Variants in SYNRG observed in about 807,000 individuals in gnomAD.
The protein encoded by SYNRG is AP1 gamma subunit binding protein 1.
SYNRG carries 37 observed loss-of-function variants against 130.9 expected under a neutral mutation model. That is an observed-to-expected ratio of 0.28 (90% CI 0.22 to 0.37). SYNRG has a LOEUF of 0.37. SYNRG is among the 10% of genes least tolerant of loss of function. The pLI, the probability that SYNRG is intolerant of heterozygous loss-of-function variation, is 1.00. For missense variants in SYNRG, 1,338 were observed against 1,588.9 expected, an observed-to-expected ratio of 0.84 and a Z score of 2.68; for synonymous variants, 539 against 568.1, an observed-to-expected ratio of 0.95 and a Z score of 0.73.
chr17:37,568,916 C>T lies in SYNRG; in HGVS notation c.1356G>A (p.Lys452=). The T allele has an allele frequency of 6.2e-7, 1 of 1,613,434 alleles. No individual in the cohort carries two copies. Among genetic ancestry groups the T allele is most frequent in the Non-Finnish European group, 8.5e-7 (1 of 1,179,694 alleles). The change falls in exon 11 of 22, where the codon AAG becomes AAA. Residue 452 remains lysine, a synonymous_variant. Coordinates refer to ENST00000612223, the MANE Select transcript of SYNRG (RefSeq NM_007247.6). ...AATCCTGGAAGTCATCTTCTTCTGGCTTTACTACCTAGGTTTATAAAGGTC... is the reference window on the plus strand; with the variant it reads ...AATCCTGGAAGTCATCTTCTTCTGGTTTTACTACCTAGGTTTATAAAGGTC... ...IPTYPANQVV[K]PEEDDFQDFQ... is the part of the protein sequence containing the mutation.
chr17:37,552,291 C>A (rs2058766950), intron 14 of SYNRG, among the ~76,000 whole-genome samples: 1 of 151,902 alleles, frequency 6.6e-6, no homozygotes, highest in African/African-American at 2.4e-5. Flanking sequence ...TATCAAAAAA[C>A]AAAACAAAAG....
rs2054622106 is a variant in SYNRG at position 37,518,805 on chromosome 17, G to A, written c.*135C>T. ...CAGACTGGCCGTGGGGATGACGGGG[G>A]CCCCGTCCCTTGCGGTGTTCTTCAT... On this transcript the variant is annotated 3_prime_UTR_variant, in exon 22 of 22. Transcript: ENST00000612223. 3.8e-6 allele frequency: 5 copies of A among 1,329,688 alleles called. No individual in the cohort carries two copies. The highest frequency in any genetic ancestry group is 5.1e-6 in the Non-Finnish European group (5 of 983,584). The allele number at this position is 1,329,688 out of a possible 1,614,324, so 82.4% of individuals were successfully genotyped here. A position where few individuals can be genotyped will look rare whatever the true frequency, so the allele number is the denominator to read the frequency against.
intron 14 of SYNRG, among the ~76,000 whole-genome samples, chr17:37,543,793 C>G (rs2058005844): frequency 6.6e-6 from 1 of 152,204 alleles, no homozygotes; most frequent in Non-Finnish European, 1.5e-5. Context: ...AATTTTCTTG[C>G]TCATTTTCAG....
chr17:37,525,307 CTGA>C (rs948329615), intron 19 of SYNRG, among the ~76,000 whole-genome samples: 1 of 152,164 alleles, frequency 6.6e-6, no homozygotes, highest in Non-Finnish European at 1.5e-5. Flanking sequence ...CCTACTGACA[CTGA>C]TAAGTCCCAA....
chr17:37,560,701 T>G (rs1407874360), intron 13 of SYNRG, among the ~76,000 whole-genome samples: 1 of 149,536 alleles, frequency 6.7e-6, no homozygotes, highest in Non-Finnish European at 1.5e-5. Context: ...GGAGTCTTGC[T>G]CTGTCACCCA....
intron 19 of SYNRG, chr17:37,529,978 G>T: frequency 1.2e-6 from 1 of 803,992 alleles, no homozygotes. Flanking sequence ...AAAGAAGGAG[G>T]CTTTTAAGTT....
At chr17:37,565,213 G>C (rs144176722) in intron 11 of SYNRG, among the ~76,000 whole-genome samples, 1 of 151,948 alleles carries the variant, frequency 6.6e-6, no homozygotes, top group African/African-American at 2.4e-5. Flanking sequence ...GCAGTGAGCC[G>C]AGATCGCGCA....
At chr17:37,601,177 C>T (rs1239032681) in intron 1 of SYNRG, among the ~76,000 whole-genome samples, 1 of 152,074 alleles carries the variant, frequency 6.6e-6, no homozygotes, top group Non-Finnish European at 1.5e-5. Context: ...AAGCAATTCT[C>T]CTGCCTCAGC....
Position 37,538,984 on chromosome 17 carries a change from G to T in SYNRG, c.3420+208C>A. ...TTCTTAAACACAATGACAGATGAGGGGATGACTGACACATGAGCCGGTCTG... is the reference window on the plus strand; with the variant it reads ...TTCTTAAACACAATGACAGATGAGGTGATGACTGACACATGAGCCGGTCTG... On this transcript the variant is annotated intron_variant, in intron 17 of 21. Transcript: ENST00000612223. 2.4e-5 allele frequency: 22 copies of T among 899,224 alleles called. 1 individual carries two copies. The highest frequency in any genetic ancestry group is 2.5e-5 in the Non-Finnish European group (19 of 751,692). The allele number at this position is 899,224 out of a possible 1,614,324, so 55.7% of individuals were successfully genotyped here. A position where few individuals can be genotyped will look rare whatever the true frequency, so the allele number is the denominator to read the frequency against.
intron 19 of SYNRG, among the ~76,000 whole-genome samples, chr17:37,535,355 A>G (rs986771756): frequency 3.3e-5 from 5 of 152,270 alleles, no homozygotes; most frequent in Non-Finnish European, 7.3e-5. Flanking sequence ...AAATGTATCC[A>G]TGTACTTACA....
At chr17:37,604,256 A>G (rs2063548070) in intron 1 of SYNRG, among the ~76,000 whole-genome samples, 1 of 143,684 alleles carries the variant, frequency 7.0e-6, no homozygotes, top group Non-Finnish European at 1.5e-5. Context: ...AAAAAAAAAA[A>G]GAAAATCTAT....
intron 8 of SYNRG, among the ~76,000 whole-genome samples, chr17:37,575,893 G>GA (rs969630050): frequency 8.2e-5 from 12 of 145,866 alleles, no homozygotes; most frequent in Non-Finnish European, 1.8e-4. Flanking sequence ...CTTCCAATGT[G>GA]AAAAAAAAGA....
At chr17:37,540,250 A>C in intron 16 of SYNRG, 130 bp downstream of exon 16, 1 of 1,115,298 alleles carries the variant, frequency 9.0e-7, no homozygotes, top group Admixed American at 2.4e-5. Flanking sequence ...TTAATTACAT[A>C]GTTTATGTCT....
At chr17:37,540,571 G>A in intron 15 of SYNRG, 28 bp from the exon 16 acceptor site, 1 of 1,606,832 alleles carries the variant, frequency 6.2e-7, no homozygotes, top group Non-Finnish European at 8.5e-7. Flanking sequence ...TACAGTCAAA[G>A]GTTTTGGCTA....
chr17:37,534,717 T>C (rs762625964), intron 19 of SYNRG, among the ~76,000 whole-genome samples: 1 of 152,136 alleles, frequency 6.6e-6, no homozygotes, highest in Non-Finnish European at 1.5e-5. Flanking sequence ...TTTTGGAAAT[T>C]ACTTAAACTC....
chr17:37,593,690 G>C (rs1169812992), intron 3 of SYNRG, among the ~76,000 whole-genome samples: 1 of 152,142 alleles, frequency 6.6e-6, no homozygotes, highest in Non-Finnish European at 1.5e-5. Flanking sequence ...TTTGAAACCA[G>C]CCTGGTCAAC....
At chr17:37,589,429 A>G (rs1487228964) in intron 3 of SYNRG, among the ~76,000 whole-genome samples, 1 of 152,248 alleles carries the variant, frequency 6.6e-6, no homozygotes, top group Non-Finnish European at 1.5e-5. Context: ...TATTACAGGA[A>G]TAATCATAGA....
intron 14 of SYNRG, among the ~76,000 whole-genome samples, chr17:37,551,561 G>C (rs1210812447): frequency 6.6e-6 from 1 of 151,622 alleles, no homozygotes; most frequent in Admixed American, 6.6e-5. Context: ...AAATAAAATG[G>C]GGGAAAAAAA....
intron 1 of SYNRG, 133 bp from the exon 2 acceptor site, chr17:37,600,536 C>T (rs753715421): frequency 3.5e-6 from 3 of 860,702 alleles, no homozygotes; most frequent in Non-Finnish European, 5.8e-6. Flanking sequence ...TACTGAATTG[C>T]CCAACATCAG....
Sources: gnomAD v4.1 joint callset for allele counts (sites outside exome capture counted in the v4.1 genomes callset) on GRCh38, gnomAD v4.1.1 for gene constraint, MANE v1.5 for transcripts, NCBI Gene and HGNC (gene_info 2026-07-23, HGNC 2026-07-21) for gene names.